CNTNAP2: variants seen among roughly 807,000 people sequenced by gnomAD.
CNTNAP2 encodes the protein contactin-associated protein-like 2.
A neutral mutation model predicts 155.2 loss-of-function variants in CNTNAP2; 98 were observed. That is an observed-to-expected ratio of 0.63 (90% CI 0.54 to 0.75). The LOEUF (loss-of-function observed/expected upper bound fraction) is 0.75. CNTNAP2 is among the 30% of genes least tolerant of loss of function. CNTNAP2 has a pLI of 0.00. For synonymous variants in CNTNAP2, 651 were observed against 631.2 expected (o/e 1.03, Z -0.47); for missense variants, 1,727 against 1,688.1 (o/e 1.02, Z -0.40).
At chr7:147,805,300 A>G (rs1798072581) in intron 13 of CNTNAP2, among the ~76,000 whole-genome samples, 1 of 152,170 alleles carries the variant, frequency 6.6e-6, no homozygotes, top group African/African-American at 2.4e-5. Context: ...CAAGCCCAGT[A>G]TCATTCTTGA....
chr7:146,686,528 G>C (rs1800603794), intron 1 of CNTNAP2, among the ~76,000 whole-genome samples: 2 of 151,980 alleles, frequency 1.3e-5, no homozygotes, highest in African/African-American at 4.8e-5. Context: ...CCTCTCCTAG[G>C]GACTGTATTC....
At chr7:146,458,099 C>T (rs77012931) in intron 1 of CNTNAP2, among the ~76,000 whole-genome samples, 7,642 of 151,998 alleles carry the variant, frequency 0.05, 272 homozygotes, top group Middle Eastern at 0.12. Flanking sequence ...TGGGAGTTAA[C>T]GCTGAGAACA....
intron 13 of CNTNAP2, among the ~76,000 whole-genome samples, chr7:147,866,230 A>AT (rs1799224067): frequency 6.6e-6 from 1 of 152,014 alleles, no homozygotes; most frequent in Non-Finnish European, 1.5e-5. Flanking sequence ...TAGTTGTGTG[A>AT]TTTTGAATGA....
chr7:146,991,481 C>T (rs1402202472), intron 3 of CNTNAP2, among the ~76,000 whole-genome samples: 1 of 152,128 alleles, frequency 6.6e-6, no homozygotes, highest in Non-Finnish European at 1.5e-5. Flanking sequence ...ATTACTGCCA[C>T]AGTGGGGCAC....
At chr7:146,826,072 C>G (rs749153429) in intron 2 of CNTNAP2, among the ~76,000 whole-genome samples, 10 of 151,868 alleles carry the variant, frequency 6.6e-5, no homozygotes, top group Non-Finnish European at 1.2e-4. Context: ...AGCCTCTGCC[C>G]CAGAAAATAA....
intron 1 of CNTNAP2, among the ~76,000 whole-genome samples, chr7:146,389,223 T>TCACACACA (rs3050929): frequency 7.5e-6 from 1 of 133,206 alleles, no homozygotes; most frequent in Non-Finnish European, 1.6e-5. Flanking sequence ...TAGGAAATAG[T>TCACACACA]CACACACACA....
intron 13 of CNTNAP2, among the ~76,000 whole-genome samples, chr7:147,743,134 T>C (rs1383775002): frequency 6.6e-6 from 1 of 152,184 alleles, no homozygotes; most frequent in African/African-American, 2.4e-5. Flanking sequence ...GCCAATAGGA[T>C]AGTCAGCTGC....
chr7:146,495,347 A>G (rs903305670), intron 1 of CNTNAP2, among the ~76,000 whole-genome samples: 18 of 152,318 alleles, frequency 1.2e-4, no homozygotes, highest in Middle Eastern at 6.8e-3. Flanking sequence ...ACCACAGAAT[A>G]GAGACAATAA....
chr7:147,277,131 G>A (rs541983674), intron 8 of CNTNAP2, among the ~76,000 whole-genome samples: 2 of 152,102 alleles, frequency 1.3e-5, no homozygotes, highest in South Asian at 4.1e-4. Context: ...CGTTGTTCCT[G>A]TGAGTGAAAT....
intron 15 of CNTNAP2, among the ~76,000 whole-genome samples, chr7:148,044,155 T>A (rs2707558): frequency 0.36 from 53,785 of 150,980 alleles, 10,296 homozygotes; most frequent in East Asian, 0.76. Context: ...TCCGAGTTCA[T>A]ATCTAACTTG....
chr7:148,395,120 C>CCCCG (rs1491537146), intron 22 of CNTNAP2, among the ~76,000 whole-genome samples: 2 of 115,626 alleles, frequency 1.7e-5, no homozygotes, highest in African/African-American at 9.3e-5. Context: ...TTTCTGTTGA[C>CCCCG]CCCCCCCCCT....
chr7:146,761,311 A>AAGGG (rs1802093867), intron 1 of CNTNAP2, among the ~76,000 whole-genome samples: 1 of 150,646 alleles, frequency 6.6e-6, no homozygotes, highest in Non-Finnish European at 1.5e-5. Context: ...GGAAGGAAGG[A>AAGGG]AGGAAGGAAG....
At chr7:148,303,889 G>A (rs186840280) in intron 21 of CNTNAP2, among the ~76,000 whole-genome samples, 1 of 152,296 alleles carries the variant, frequency 6.6e-6, no homozygotes, top group East Asian at 1.9e-4. Context: ...TTGTCACTGG[G>A]TGGAATGTGA....
intron 3 of CNTNAP2, among the ~76,000 whole-genome samples, chr7:146,882,524 A>G (rs898385548): frequency 2.6e-4 from 40 of 151,736 alleles, no homozygotes; most frequent in Non-Finnish European, 3.8e-4. Flanking sequence ...TTCACCCTGC[A>G]TTTCTCTCTC....
In CNTNAP2 at chr7:147,968,744, G is replaced by A. The variant is rs936091248; in HGVS notation, c.2256-9118G>A. Among the ~76,000 whole-genome samples, 6 of 152,078 alleles carry A rather than the reference G, an allele frequency of 3.9e-5. No homozygotes were observed. In the East Asian group the frequency reaches 5.8e-4, roughly 15 times the overall value. ...TAATCATTTCAGTGATGCCAGGAAC[G>A]TTCCTCTCTCTCTCCCATTCACCCT... On this transcript the variant is annotated intron_variant, in intron 14 of 23. Transcript: ENST00000361727.
At chr7:146,717,172 T>C (rs560205204) in intron 1 of CNTNAP2, among the ~76,000 whole-genome samples, 23 of 152,182 alleles carry the variant, frequency 1.5e-4, no homozygotes, top group African/African-American at 5.5e-4. Context: ...TAAATTGCCA[T>C]GGAGAGAACC....
chr7:146,666,679 A>G (rs1233843437), intron 1 of CNTNAP2, among the ~76,000 whole-genome samples: 3 of 152,134 alleles, frequency 2.0e-5, no homozygotes, highest in Admixed American at 6.5e-5. Flanking sequence ...TGTCTTTTTG[A>G]TAATAGCCAT....
chr7:146,131,761 T>C (rs956979923), intron 1 of CNTNAP2, among the ~76,000 whole-genome samples: 1 of 152,196 alleles, frequency 6.6e-6, no homozygotes, highest in African/African-American at 2.4e-5. Context: ...GGTTTGGCTC[T>C]GTGTCCCCAA....
chr7:147,398,378 C>G (rs1027649248), intron 10 of CNTNAP2, among the ~76,000 whole-genome samples: 1 of 145,254 alleles, frequency 6.9e-6, no homozygotes. Context: ...CCAGCTTGAT[C>G]GATTTGAGAG....
Sources: gnomAD v4.1 joint callset for allele counts (sites outside exome capture counted in the v4.1 genomes callset) on GRCh38, gnomAD v4.1.1 for gene constraint, MANE v1.5 for transcripts, NCBI Gene and HGNC (gene_info 2026-07-23, HGNC 2026-07-21) for gene names.